Variants in HOXC5 observed in about 807,000 individuals in gnomAD.
The protein encoded by HOXC5 is homeobox protein Hox-C5.
Under a neutral mutation model 20.1 loss-of-function variants are expected in HOXC5, and 19 were observed. The ratio of observed to expected loss-of-function variants is 0.94; its 90% confidence interval spans 0.66 to 1.38. The LOEUF is 1.38. Ranked by LOEUF, HOXC5 falls within the 40% of genes most tolerant of loss-of-function variation. The pLI is 0.00. For missense variants in HOXC5, 330 were observed against 300.1 expected (o/e 1.10, Z -0.74); for synonymous variants, 124 against 117.0 (o/e 1.06, Z -0.39).
At chr12:54,026,985 T>A in the HOXC5 span, among the ~76,000 whole-genome samples, 1 of 149,386 alleles carries the variant, frequency 6.7e-6, no homozygotes, top group Admixed American at 6.7e-5. Flanking sequence ...GGATATGAGC[T>A]TTCTCTGCTC....
upstream of HOXC5, chr12:54,028,381 G>T: frequency 2.3e-6 from 2 of 874,634 alleles, no homozygotes; most frequent in Non-Finnish European, 3.4e-6. Context: ...GCTTGCGATT[G>T]GCTGGGAGGG....
the HOXC5 span, among the ~76,000 whole-genome samples, chr12:54,025,333 AGCC>A: frequency 6.6e-6 from 1 of 152,206 alleles, no homozygotes; most frequent in Non-Finnish European, 1.5e-5. Flanking sequence ...CCCTATAGAC[AGCC>A]ATTCTTTTGC....
chr12:54,034,423 G>A lies in HOXC5; in HGVS notation c.600G>A (p.Lys200=). 6.2e-7 allele frequency: 1 copy of A among 1,614,262 alleles called. No individual in the cohort carries two copies. The highest frequency in any genetic ancestry group is 8.5e-7 in the Non-Finnish European group (1 of 1,180,034). Residue 200 remains lysine (K), a synonymous_variant, in exon 2 of 2, where the codon AAG becomes AAA. Transcript: ENST00000312492. The part of the protein sequence containing the change: ...NNLCLNERQI[K]IWFQNRRMKW... Reference sequence around the variant, plus strand: ...TGTGTCTCAATGAGAGACAGATCAAGATCTGGTTCCAGAACCGCAGGATGA... The same window carrying A: ...TGTGTCTCAATGAGAGACAGATCAAAATCTGGTTCCAGAACCGCAGGATGA...
upstream of HOXC5, chr12:54,028,474 G>T (rs1267817551): frequency 6.4e-7 from 1 of 1,574,278 alleles, no homozygotes; most frequent in Non-Finnish European, 8.6e-7. Context: ...ACTGGAGACA[G>T]AAATAAATAT....
At chr12:54,024,601 A>G in the HOXC5 span, among the ~76,000 whole-genome samples, 1 of 152,150 alleles carries the variant, frequency 6.6e-6, no homozygotes, top group East Asian at 1.9e-4. Flanking sequence ...CCCAGAGCTG[A>G]GTGGAAAGCA....
At chr12:54,029,781 A>G (rs761472061), upstream of HOXC5, 1 of 1,614,100 alleles carries the variant, frequency 6.2e-7, no homozygotes, top group Non-Finnish European at 8.5e-7. Flanking sequence ...GAGATCGCCA[A>G]CGCGCTTTGC....
At chr12:54,029,573 G>T (rs932549537), upstream of HOXC5, 25 of 1,448,968 alleles carry the variant, frequency 1.7e-5, no homozygotes, top group South Asian at 3.1e-4. Flanking sequence ...AGGTTGGGAG[G>T]GTCAGGACTT....
the HOXC5 span, chr12:54,020,844 C>G: frequency 2.0e-5 from 3 of 152,184 alleles, no homozygotes; most frequent in Non-Finnish European, 2.9e-5. Flanking sequence ...GCTTTTGTTG[C>G]CCAAGCAGCT....
At chr12:54,026,257 A>C in the HOXC5 span, among the ~76,000 whole-genome samples, 7 of 152,098 alleles carry the variant, frequency 4.6e-5, no homozygotes, top group Non-Finnish European at 5.9e-5. Flanking sequence ...TCCCTAGCTC[A>C]GTCCCCAGAG....
the HOXC5 span, among the ~76,000 whole-genome samples, chr12:54,027,072 G>A: frequency 6.6e-6 from 1 of 152,054 alleles, no homozygotes; most frequent in Non-Finnish European, 1.5e-5. Flanking sequence ...ATTAAGTTTG[G>A]ACTAATCAGG....
At position 54,034,702 on chromosome 12, in the gene HOXC5, CCTCAGCTCGG is replaced by C. The variant is rs893600828; in HGVS notation, c.*221_*230del. The C allele has an allele frequency of 1.8e-5, 10 of 562,766 alleles. No individual in the cohort carries two copies. Among genetic ancestry groups the C allele is most frequent in the Non-Finnish European group, 3.2e-5 (10 of 315,074 alleles). The allele number at this position is 562,766 out of a possible 1,614,324, so 34.9% of individuals were successfully genotyped here. On this transcript the variant is annotated 3_prime_UTR_variant, in exon 2 of 2. Coordinates refer to ENST00000312492, the MANE Select transcript of HOXC5 (RefSeq NM_018953.4). The stretch of plus-strand genomic sequence containing the variant: ...GGGCTGTCGGCGCTGCCCCATCTCC[CCTCAGCTCGG>C]CTCAGCTCGGTACCCGGGGCCCAGG...
the HOXC5 span, among the ~76,000 whole-genome samples, chr12:54,019,116 C>G: frequency 6.8e-6 from 1 of 146,368 alleles, no homozygotes; most frequent in Non-Finnish European, 1.5e-5. Flanking sequence ...TCGCAGCCAT[C>G]ATAAAGGCCT....
chr12:54,023,522 CTT>C, the HOXC5 span, among the ~76,000 whole-genome samples: 1 of 152,152 alleles, frequency 6.6e-6, no homozygotes, highest in East Asian at 1.9e-4. Flanking sequence ...CTCTCAACCT[CTT>C]AGCTCAAAAG....
chr12:54,030,223 C>G, upstream of HOXC5: 1 of 363,652 alleles, frequency 2.7e-6, no homozygotes, highest in Non-Finnish European at 5.0e-6. Context: ...TTTCCCCGTC[C>G]AGGCCTTGGG....
upstream of HOXC5, chr12:54,028,422 T>C: frequency 7.5e-7 from 1 of 1,332,806 alleles, no homozygotes; most frequent in Non-Finnish European, 1.0e-6. Flanking sequence ...TTGTCTGTCC[T>C]GGATTGGAGC....
the HOXC5 span, among the ~76,000 whole-genome samples, chr12:54,019,551 T>C: frequency 1.3e-5 from 2 of 152,114 alleles, no homozygotes; most frequent in African/African-American, 4.8e-5. Context: ...CCCCCGCCCC[T>C]GTGGATGGCC....
chr12:54,033,634 C>A, intron 1 of HOXC5, 58 bp downstream of exon 1: 4 of 1,367,412 alleles, frequency 2.9e-6, no homozygotes, highest in Non-Finnish European at 3.9e-6. Flanking sequence ...ATAGGCCATG[C>A]GGGGCAAATA....
the HOXC5 span, chr12:54,021,003 A>C: frequency 6.6e-6 from 1 of 152,324 alleles, no homozygotes; most frequent in Non-Finnish European, 1.5e-5. Context: ...GGCTGCAAGC[A>C]GTTCGGAGTA....
At chr12:54,018,623 G>A in the HOXC5 span, among the ~76,000 whole-genome samples, 1 of 152,220 alleles carries the variant, frequency 6.6e-6, no homozygotes, top group Non-Finnish European at 1.5e-5. Context: ...TGAATGTGTT[G>A]CAGTTTGATA....
Sources: allele counts gnomAD v4.1 joint callset (sites outside exome capture counted in the v4.1 genomes callset), GRCh38; gene constraint gnomAD v4.1.1; transcripts MANE v1.5; gene names NCBI Gene and HGNC (gene_info 2026-07-23, HGNC 2026-07-21).